Variants in ASXL1 observed in about 807,000 individuals in gnomAD.
ASXL1 encodes the protein polycomb group protein ASXL1.
In ASXL1, 65 loss-of-function variants were observed where a neutral mutation model predicts 89.1. The observed-to-expected ratio is 0.73, with a 90% CI of 0.60 to 0.90. The LOEUF (loss-of-function observed/expected upper bound fraction) is 0.90, where lower values mean the gene tolerates loss of function less well. ASXL1 is among the 40% of genes least tolerant of loss of function. The probability of loss-of-function intolerance (pLI) is 0.00; values close to 1 mark genes in which losing one functional copy is unlikely to be tolerated. For missense variants in ASXL1, 1,786 were observed against 1,942.9 expected (o/e 0.92, Z 1.52); for synonymous variants, 739 against 746.9 (o/e 0.99, Z 0.17).
At chr20:32,383,750 A>G (rs2048529706) in intron 4 of ASXL1, among the ~76,000 whole-genome samples, 1 of 152,200 alleles carries the variant, frequency 6.6e-6, no homozygotes, top group African/African-American at 2.4e-5. Context: ...CTGAAGAGGT[A>G]TAATTGGTTG....
At position 32,393,527 on chromosome 20, in the gene ASXL1, A is replaced by G. The variant is rs186123976; in HGVS notation, c.252+24404A>G. On this transcript the variant is annotated intron_variant, in intron 4 of 12. Coordinates refer to ENST00000375687, the MANE Select transcript of ASXL1 (RefSeq NM_015338.6). ...CGCCCTGTCGCCCAGGCTGCAGTGC[A>G]GTGGCACGATCTCAGCTCACTCCAA... Among the ~76,000 whole-genome samples the G allele has an allele frequency of 6.5e-4, 99 of 152,246 alleles. 1 individual carries two copies. The East Asian group carries it at 0.017, about 26-fold the overall frequency.
chr20:32,385,094 A>G (rs929948640), intron 4 of ASXL1, among the ~76,000 whole-genome samples: 1 of 152,180 alleles, frequency 6.6e-6, no homozygotes, highest in Non-Finnish European at 1.5e-5. Context: ...AGTTGCTTCT[A>G]GCTTAGCTAA....
intron 4 of ASXL1, among the ~76,000 whole-genome samples, chr20:32,384,831 T>C (rs2048549879): frequency 6.6e-6 from 1 of 152,154 alleles, no homozygotes; most frequent in South Asian, 2.1e-4. Flanking sequence ...GCAGGATGCT[T>C]ACTTCAGAGG....
chr20:32,408,867 T>C (rs1033118064), intron 4 of ASXL1, among the ~76,000 whole-genome samples: 3 of 152,202 alleles, frequency 2.0e-5, no homozygotes, highest in Non-Finnish European at 2.9e-5. Flanking sequence ...TGGTATAATC[T>C]CCAGTTATTA....
At position 32,429,006 on chromosome 20, in the gene ASXL1, A is replaced by G; in HGVS notation, c.472-332A>G. On this transcript the variant is annotated intron_variant, in intron 6 of 12. Transcript: ENST00000375687. This position sits in a 1 kb window ranked among gnomAD's most constrained non-coding sequence, Gnocchi z 4.9. ...ATATACACGTGAACATTCAGGGAGA[A>G]GTGTGGTTAGTGCAGAGTAGAGAGA... is the stretch of plus-strand genomic sequence containing the variant. The G allele has an allele frequency of 2.7e-6, 1 of 375,050 alleles. No homozygotes were observed. Among genetic ancestry groups the G allele is most frequent in the Admixed American group, 3.7e-5 (1 of 26,918 alleles). 23.2% of individuals were successfully genotyped at this position (375,050 alleles called of 1,614,324 possible). A position where few individuals can be genotyped will look rare whatever the true frequency, so the allele number is the denominator to read the frequency against.
chr20:32,427,317 T>G (rs1209822431), intron 4 of ASXL1: 1 of 152,564 alleles, frequency 6.6e-6, no homozygotes, highest in Non-Finnish European at 1.5e-5. Flanking sequence ...CATTTTTTGT[T>G]GGACATCTTT....
Position 32,436,484 on chromosome 20 carries a change from G to A in ASXL1, c.3772G>A (p.Ala1258Thr), listed in dbSNP as rs1015611473. Residue 1258 changes from alanine to threonine, a missense_variant, in exon 13 of 13, where the codon GCT becomes ACT. Ala to Thr is a moderately conservative substitution (Grantham distance 58). Coordinates refer to ENST00000375687, the MANE Select transcript of ASXL1 (RefSeq NM_015338.6). ...AMSQDSNSNA[A>T]PGKSPGDLTT... is the part of the protein sequence containing the mutation. The stretch of plus-strand genomic sequence containing the variant: ...GTCACAGGACAGTAATTCAAATGCT[G>A]CTCCAGGAAAGAGCCCAGGAGATCT... 6.2e-7 allele frequency: 1 copy of A among 1,614,184 alleles called. No individual in the cohort carries two copies. Among genetic ancestry groups the A allele is most frequent in the African/African-American group, 1.3e-5 (1 of 75,056 alleles).
chr20:32,406,510 C>T (rs570309882), intron 4 of ASXL1, among the ~76,000 whole-genome samples: 4 of 152,292 alleles, frequency 2.6e-5, no homozygotes, highest in Admixed American at 2.0e-4. Flanking sequence ...GAGATTGCAC[C>T]ACTGCACTCC....
At chr20:32,361,536 G>A (rs1163004560) in intron 1 of ASXL1, among the ~76,000 whole-genome samples, 1 of 150,838 alleles carries the variant, frequency 6.6e-6, no homozygotes, top group Non-Finnish European at 1.5e-5. Flanking sequence ...TACTGAGGGG[G>A]CTGAGACAGG....
chr20:32,438,142 C>T lies in ASXL1; in HGVS notation c.*804C>T, dbSNP rs1263460459. The stretch of plus-strand genomic sequence containing the variant: ...GACCCTATGGGAGTGGGCATCTCCA[C>T]GCACCTGTGTATGTGAAAGTCATTT... On this transcript the variant is annotated 3_prime_UTR_variant, in exon 13 of 13. Coordinates refer to ENST00000375687, the MANE Select transcript of ASXL1 (RefSeq NM_015338.6). The T allele has an allele frequency of 1.3e-5, 3 of 233,366 alleles. No homozygotes were observed. The highest frequency in any genetic ancestry group is 2.5e-5 in the Non-Finnish European group (3 of 117,984). 14.5% of individuals were successfully genotyped at this position (233,366 alleles called of 1,614,324 possible).
chr20:32,435,189 G>A lies in ASXL1; in HGVS notation c.2477G>A (p.Gly826Glu), dbSNP rs2011745946. ...SLVGDDTLEK[G>E]TGQALDSHPT... ...GTGGGAGATGATACATTAGAGAAAG[G>A]AACTGGCCAAGCTCTTGACAGTCAT... The change falls in exon 13 of 13, where the codon GGA becomes GAA. Residue 826 changes from glycine to glutamate, a missense_variant. Physicochemically the swap from Gly to Glu is moderately conservative, Grantham distance 98. Coordinates refer to ENST00000375687, the MANE Select transcript of ASXL1 (RefSeq NM_015338.6). The A allele has an allele frequency of 6.2e-7, 1 of 1,613,900 alleles. No individual in the cohort carries two copies. The highest frequency in any genetic ancestry group is 8.5e-7 in the Non-Finnish European group (1 of 1,180,034).
chr20:32,383,203 C>A (rs2048518902), intron 4 of ASXL1, among the ~76,000 whole-genome samples: 1 of 152,002 alleles, frequency 6.6e-6, no homozygotes, highest in Non-Finnish European at 1.5e-5. Context: ...AATGAAAGTT[C>A]TTGTTAGGTG....
Position 32,436,250 on chromosome 20 carries a change from G to C in ASXL1, c.3538G>C (p.Asp1180His), listed in dbSNP as rs777253679. Reference protein sequence around the residue: ...LRALKEPLLPDSCETGTGLAR... With the variant: ...LRALKEPLLPHSCETGTGLAR... ...GGCTTTGAAGGAGCCTCTTCTGCCAGATAGCTGTGAAACAGGCACTGGTCT... is the reference window on the plus strand; with the variant it reads ...GGCTTTGAAGGAGCCTCTTCTGCCACATAGCTGTGAAACAGGCACTGGTCT... The change falls in exon 13 of 13, where the codon GAT becomes CAT. Residue 1180 changes from aspartate to histidine, a missense_variant. Physicochemically the swap from Asp to His is moderately conservative, Grantham distance 81 (BLOSUM62 -1). Transcript: ENST00000375687. 62 of 1,614,102 alleles carry C rather than the reference G, an allele frequency of 3.8e-5. No homozygotes were observed. Among genetic ancestry groups the C allele is most frequent in the Non-Finnish European group, 4.9e-5 (58 of 1,180,044 alleles).
Position 32,436,331 on chromosome 20 carries a change from G to C in ASXL1, c.3619G>C (p.Val1207Leu). 6.2e-7 allele frequency: 1 copy of C among 1,613,982 alleles called. No individual in the cohort carries two copies. Among genetic ancestry groups the C allele is most frequent in the Non-Finnish European group, 8.5e-7 (1 of 1,180,024 alleles). Residue 1207 changes from valine (V) to leucine (L), a missense_variant, in exon 13 of 13, where the codon GTC becomes CTC. This residue lies in a region of ASXL1 where 1,418 missense variants were observed against 1,427.8 expected (regional missense o/e 0.99). Coordinates refer to ENST00000375687, the MANE Select transcript of ASXL1 (RefSeq NM_015338.6). ...AGCACCCCAAAAGAATTGCAAGGCA[G>C]TCCCAAGTTTTGACTCCCTCCATCC... ...PGAPQKNCKA[V>L]PSFDSLHPVT...
chr20:32,393,053 T>C (rs894260457), intron 4 of ASXL1, among the ~76,000 whole-genome samples: 1 of 152,112 alleles, frequency 6.6e-6, no homozygotes, highest in African/African-American at 2.4e-5. Context: ...AGACAGAGGG[T>C]GTTAAAATCT....
At chr20:32,359,016 G>A (rs2122756842) in intron 1 of ASXL1, 184 bp downstream of exon 1, 1 of 668,848 alleles carries the variant, frequency 1.5e-6, no homozygotes, top group Non-Finnish European at 2.5e-6. Context: ...GGGATGGGAT[G>A]TGGCGCCTTT....
intron 4 of ASXL1, among the ~76,000 whole-genome samples, chr20:32,384,868 CAAG>C (rs2048551104): frequency 1.3e-5 from 2 of 150,894 alleles, no homozygotes; most frequent in Non-Finnish European, 2.9e-5. Context: ...TTTTTTGGAA[CAAG>C]AAGGTTATAA....
intron 4 of ASXL1, among the ~76,000 whole-genome samples, chr20:32,369,331 C>G (rs1039692948): frequency 6.6e-6 from 1 of 152,134 alleles, no homozygotes; most frequent in South Asian, 2.1e-4. Flanking sequence ...TCACTGCAAT[C>G]TCTGCCTCCC....
chr20:32,392,616 T>C (rs1272851360), intron 4 of ASXL1, among the ~76,000 whole-genome samples: 2 of 150,690 alleles, frequency 1.3e-5, no homozygotes, highest in African/African-American at 4.8e-5. Flanking sequence ...CTCCCAGCCC[T>C]GAAATCTTTC....
Sources: gnomAD v4.1 joint callset for allele counts (sites outside exome capture counted in the v4.1 genomes callset) on GRCh38, gnomAD v4.1.1 for gene constraint, gnomAD v4.1.1 regional missense constraint, Gnocchi (gnomAD v3.1) non-coding constraint, MANE v1.5 for transcripts, NCBI Gene and HGNC (gene_info 2026-07-23, HGNC 2026-07-21) for gene names.